Variants in PTH1R observed in about 807,000 individuals in gnomAD.
The protein encoded by PTH1R is parathyroid hormone 1 receptor, also known as parathyroid hormone/parathyroid hormone-related peptide receptor.
PTH1R carries 32 observed loss-of-function variants against 70.7 expected under a neutral mutation model. That is an observed-to-expected ratio of 0.45 (90% confidence interval 0.34 to 0.61). The LOEUF (loss-of-function observed/expected upper bound fraction) is 0.61. Ranked by LOEUF, PTH1R falls within the 20% of genes least tolerant of loss-of-function variation. The pLI is 0.01. For missense variants in PTH1R, 626 were observed against 792.5 expected (o/e 0.79, Z 2.52); for synonymous variants, 329 against 324.8 (o/e 1.01, Z -0.14).
chr3:46,898,807 C>G lies in PTH1R; in HGVS notation c.784C>G (p.Arg262Gly). Residue 262 changes from arginine to glycine, a missense_variant, in exon 9 of 16, where the codon CGC becomes GGC. Physicochemically the swap from Arg to Gly is moderately radical, Grantham distance 125 (BLOSUM62 -2). Transcript: ENST00000449590. ...TGAGCGCCTCACCGAGGAGGAGCTG[C>G]GCGCCATCGCCCAGGCGCCCCCGCC... is the stretch of plus-strand genomic sequence containing the variant. ...EAERLTEEEL[R>G]AIAQAPPPPA... The G allele has an allele frequency of 6.3e-7, 1 of 1,586,156 alleles. No homozygotes were observed. Among genetic ancestry groups the G allele is most frequent in the Non-Finnish European group, 8.5e-7 (1 of 1,171,870 alleles).
rs2031768067 is a variant in PTH1R, at chr3:46,896,519, T to A, written c.313+650T>A. ...TCAGCCGGCCGGGTGGGCAGCAGAT[T>A]CCAGATGGGCCACATCTGGGAGGCT... is the stretch of plus-strand genomic sequence containing the variant. On this transcript the variant is annotated intron_variant, in intron 5 of 15. Coordinates refer to ENST00000449590, the MANE Select transcript of PTH1R (RefSeq NM_000316.3). The surrounding 1 kb of genome is among the most constrained non-coding windows in gnomAD (Gnocchi z 4.1). Among the ~76,000 whole-genome samples the A allele has an allele frequency of 6.6e-6, 1 of 152,082 alleles. No homozygotes were observed. The highest frequency in any genetic ancestry group is 1.5e-5 in the Non-Finnish European group (1 of 67,994).
rs373987363 is a variant in PTH1R, at chr3:46,901,067, C to A, written c.1031C>A (p.Ala344Asp). Residue 344 changes from alanine (A) to aspartate (D), a missense_variant, in exon 11 of 16, where the codon GCT becomes GAT. Ala to Asp is a moderately radical substitution (Grantham distance 126). Around this residue, in one of 3 missense-constraint regions of PTH1R, gnomAD observed 495 missense variants for 638.7 expected, o/e 0.77. Coordinates refer to ENST00000449590, the MANE Select transcript of PTH1R (RefSeq NM_000316.3). This position sits in a 1 kb window ranked among gnomAD's most constrained non-coding sequence, Gnocchi z 7.3. ...GTGGCTGTGTGGGTCAGTGTCAGAG[C>A]TACCCTGGCCAACACCGGGTAGGTC... ...VFVAVWVSVRATLANTGCWDL... is the reference protein window; with the variant it reads ...VFVAVWVSVRDTLANTGCWDL... 1 of 1,581,536 alleles carries A rather than the reference C, an allele frequency of 6.3e-7. No individual in the cohort carries two copies. The highest frequency in any genetic ancestry group is 8.6e-7 in the Non-Finnish European group (1 of 1,162,514).
chr3:46,903,614 G>C lies in PTH1R; in HGVS notation c.1740G>C (p.Arg580=). 1 of 1,612,782 alleles carries C rather than the reference G, an allele frequency of 6.2e-7. No homozygotes were observed. Among genetic ancestry groups the C allele is most frequent in the Non-Finnish European group, 8.5e-7 (1 of 1,180,026 alleles). ...ACGAGGAGGCCTCTGGGCCTGAGCGGCCACCTGCCCTGCTACAGGAAGAGT... is the reference window on the plus strand; with the variant it reads ...ACGAGGAGGCCTCTGGGCCTGAGCGCCCACCTGCCCTGCTACAGGAAGAGT... ...GLDEEASGPE[R]PPALLQEEWE... is the part of the protein sequence containing the mutation. The change falls in exon 16 of 16, where the codon CGG becomes CGC. Residue 580 remains arginine (R), a synonymous_variant. Transcript: ENST00000449590. The surrounding 1 kb of genome is among the most constrained non-coding windows in gnomAD (Gnocchi z 4.4).
Position 46,891,006 on chromosome 3 carries a change from G to A in PTH1R, c.76-2901G>A, listed in dbSNP as rs1015496562. ...TCCAGGCACGGAGCTGTGAGCTAACGTTTGGAGGGGTAGCGCACTTGGTGT... is the reference window on the plus strand; with the variant it reads ...TCCAGGCACGGAGCTGTGAGCTAACATTTGGAGGGGTAGCGCACTTGGTGT... On this transcript the variant is annotated intron_variant, in intron 3 of 15. Coordinates refer to ENST00000449590, the MANE Select transcript of PTH1R (RefSeq NM_000316.3). The surrounding 1 kb of genome is among the most constrained non-coding windows in gnomAD (Gnocchi z 4.3). Among the ~76,000 whole-genome samples, 15 of 152,206 alleles carry A rather than the reference G, an allele frequency of 9.9e-5. No homozygotes were observed. The highest frequency in any genetic ancestry group is 2.0e-4 in the Admixed American group (3 of 15,288).
intron 5 of PTH1R, 121 bp from the exon 6 acceptor site, chr3:46,897,734 A>AAAAAC (rs569588765): frequency 3.0e-6 from 3 of 995,498 alleles, no homozygotes; most frequent in Non-Finnish European, 4.6e-6. Flanking sequence ...TCCGTCTCAA[A>AAAAAC]AAAACAAAAC....
rs1655024077 is a variant in PTH1R, at chr3:46,895,743, A to G, written c.187A>G (p.Met63Val). The G allele has an allele frequency of 3.7e-6, 6 of 1,613,926 alleles. 1 individual carries two copies. The highest frequency in any genetic ancestry group is 1.3e-5 in the African/African-American group (1 of 74,890). Residue 63 changes from methionine (M) to valine (V), a missense_variant, in exon 5 of 16, where the codon ATG becomes GTG. Coordinates refer to ENST00000449590, the MANE Select transcript of PTH1R (RefSeq NM_000316.3). ...CACCCTGGTTTCTCCAGCCAGCATA[A>G]TGGAATCAGACAAGGGATGGACATC... ...KEVLQRPASI[M>V]ESDKGWTSAS...
intron 3 of PTH1R, among the ~76,000 whole-genome samples, chr3:46,888,905 C>A (rs964336038): frequency 6.6e-6 from 1 of 152,244 alleles, no homozygotes; most frequent in Non-Finnish European, 1.5e-5. Flanking sequence ...CTCTTCCCCC[C>A]CAGCCCCTCC....
rs1206308992 is a variant in PTH1R, at chr3:46,901,567, G to A, written c.1116+87G>A. ...ACCAGCCCCTGACAGGGACCTAGGA[G>A]GCTTCCCTGGACCCCAGTGTCAGAG... On this transcript the variant is annotated intron_variant, in intron 12 of 15. Coordinates refer to ENST00000449590, the MANE Select transcript of PTH1R (RefSeq NM_000316.3). The surrounding 1 kb of genome is among the most constrained non-coding windows in gnomAD (Gnocchi z 7.3). 6.8e-7 allele frequency: 1 copy of A among 1,475,552 alleles called. No individual in the cohort carries two copies. The allele number at this position is 1,475,552 out of a possible 1,614,324, so 91.4% of individuals were successfully genotyped here.
At chr3:46,900,208 G>A (rs1559537129) in intron 10 of PTH1R, among the ~76,000 whole-genome samples, 6 of 152,122 alleles carry the variant, frequency 3.9e-5, no homozygotes, top group Admixed American at 6.5e-5. Flanking sequence ...TCCTGACCCT[G>A]ACCTCACCAT....
At chr3:46,899,608 C>A in intron 10 of PTH1R, 152 bp downstream of exon 10, 1 of 1,069,506 alleles carries the variant, frequency 9.4e-7, no homozygotes, top group Non-Finnish European at 1.3e-6. Context: ...GTGATCCTGA[C>A]CCTATTCCAG....
chr3:46,889,308 C>T (rs1479645956), intron 3 of PTH1R, among the ~76,000 whole-genome samples: 1 of 152,246 alleles, frequency 6.6e-6, no homozygotes, highest in African/African-American at 2.4e-5. Flanking sequence ...GTCTACACAC[C>T]TCTGCTCCTA....
chr3:46,899,709 G>C (rs549367218), intron 10 of PTH1R, among the ~76,000 whole-genome samples: 1 of 152,320 alleles, frequency 6.6e-6, no homozygotes, highest in Non-Finnish European at 1.5e-5. Flanking sequence ...AGGGAAAGGA[G>C]GAACCATCAG....
chr3:46,902,800 A>G lies in PTH1R; in HGVS notation c.1395+10A>G, dbSNP rs1337542227. The G allele has an allele frequency of 6.2e-7, 1 of 1,613,576 alleles. No homozygotes were observed. Among genetic ancestry groups the G allele is most frequent in the South Asian group, 1.1e-5 (1 of 91,072 alleles). On this transcript the variant is annotated intron_variant, in intron 15 of 15. Transcript: ENST00000449590. This position sits in a 1 kb window ranked among gnomAD's most constrained non-coding sequence, Gnocchi z 5.4. ...TTTCTGCAATGGCGAGGTAAGCAGG[A>G]GACAGTGTTGGCATAGGGCAGGGTG...
chr3:46,899,185 CT>C, intron 9 of PTH1R, 117 bp from the exon 10 acceptor site: 3 of 1,403,916 alleles, frequency 2.1e-6, no homozygotes, highest in Non-Finnish European at 3.0e-6. Context: ...AAGCCTGCCC[CT>C]TCCTGGCCTG....
In PTH1R at chr3:46,903,266, C is replaced by T; in HGVS notation, c.1396-4C>T. ...CCTGACTGCCGCACCCTTACTGCCC[C>T]AAGGTACAAGCTGAGATCAAGAAAT... On this transcript the variant is annotated splice_polypyrimidine_tract_variant and splice_region_variant and intron_variant, in intron 15 of 15. Transcript: ENST00000449590. The surrounding 1 kb of genome is among the most constrained non-coding windows in gnomAD (Gnocchi z 4.4). 6.2e-7 allele frequency: 1 copy of T among 1,612,558 alleles called. No individual in the cohort carries two copies. The highest frequency in any genetic ancestry group is 8.5e-7 in the Non-Finnish European group (1 of 1,179,938).
chr3:46,903,768 A>T lies in PTH1R; in HGVS notation c.*112A>T. 6.6e-7 allele frequency: 1 copy of T among 1,513,644 alleles called. No homozygotes were observed. Among genetic ancestry groups the T allele is most frequent in the Admixed American group, 2.1e-5 (1 of 47,508 alleles). The allele number at this position is 1,513,644 out of a possible 1,614,324, so 93.8% of individuals were successfully genotyped here. A position where few individuals can be genotyped will look rare whatever the true frequency, so the allele number is the denominator to read the frequency against. ...TGGGGCCAAGAGGAAAAACAGGGAAAAAAAGAAAAAAAAAAGAAAAAGGAA... is the reference window on the plus strand; with the variant it reads ...TGGGGCCAAGAGGAAAAACAGGGAATAAAAGAAAAAAAAAAGAAAAAGGAA... On this transcript the variant is annotated 3_prime_UTR_variant, in exon 16 of 16. Coordinates refer to ENST00000449590, the MANE Select transcript of PTH1R (RefSeq NM_000316.3). This position sits in a 1 kb window ranked among gnomAD's most constrained non-coding sequence, Gnocchi z 4.4.
intron 4 of PTH1R, 75 bp downstream of exon 4, chr3:46,894,084 A>G (rs1379470669): frequency 5.4e-6 from 8 of 1,486,656 alleles, no homozygotes; most frequent in Non-Finnish European, 7.5e-6. Context: ...GACCCAGGAT[A>G]CAGAGCCAGG....
rs1158337586 is a variant in PTH1R, at chr3:46,882,958, C to G, written c.-48-554C>G. On this transcript the variant is annotated intron_variant, in intron 2 of 15. Coordinates refer to ENST00000449590, the MANE Select transcript of PTH1R (RefSeq NM_000316.3). The surrounding 1 kb of genome is among the most constrained non-coding windows in gnomAD (Gnocchi z 4.3). The stretch of plus-strand genomic sequence containing the variant: ...TGGCTGCAAAGTTGAGATCGCACCC[C>G]CTAACTGCACGCCCCGCGCGGCTCA... Among the ~76,000 whole-genome samples, 3 of 151,632 alleles carry G rather than the reference C, an allele frequency of 2.0e-5. No individual in the cohort carries two copies. The highest frequency in any genetic ancestry group is 7.3e-5 in the African/African-American group (3 of 41,334).
chr3:46,898,219 G>C (rs2031873254), intron 7 of PTH1R, 27 bp downstream of exon 7: 1 of 1,610,342 alleles, frequency 6.2e-7, no homozygotes. Context: ...TCCCCAACCT[G>C]ACCAGGATAA....
Sources: allele counts gnomAD v4.1 joint callset (sites outside exome capture counted in the v4.1 genomes callset), GRCh38; gene constraint gnomAD v4.1.1; regional missense constraint gnomAD v4.1.1; non-coding constraint Gnocchi (gnomAD v3.1); transcripts MANE v1.5; gene names NCBI Gene and HGNC (gene_info 2026-07-23, HGNC 2026-07-21).